The following GOLM1 variants were observed in gnomAD, a reference collection of about 807,000 sequenced individuals.
GOLM1 encodes the protein epididymis luminal protein 46.
GOLM1 carries 31 observed loss-of-function variants against 50.5 expected under a neutral mutation model. The ratio of observed to expected loss-of-function variants is 0.61; its 90% CI spans 0.46 to 0.83. GOLM1 has a LOEUF of 0.83. Among genes scored for constraint, GOLM1 ranks in the 40% least tolerant of loss-of-function variants. The pLI is 0.00. For synonymous variants in GOLM1, 178 were observed against 192.8 expected, an observed-to-expected ratio of 0.92 and a Z score of 0.64; for missense variants, 491 against 501.3, an observed-to-expected ratio of 0.98 and a Z score of 0.20.
chr9:86,026,396 G>A lies in GOLM1; in HGVS notation c.*1421C>T. ...CATATGAAGAATGTTTAAGTTGGAGGTGGCAACGTGAATTGCAAACAGGGC... is the reference window on the plus strand; with the variant it reads ...CATATGAAGAATGTTTAAGTTGGAGATGGCAACGTGAATTGCAAACAGGGC... On this transcript the variant is annotated 3_prime_UTR_variant, in exon 10 of 10. Coordinates refer to ENST00000388712, the MANE Select transcript of GOLM1 (RefSeq NM_016548.4). The A allele has an allele frequency of 1.0e-6, 1 of 985,294 alleles. No individual in the cohort carries two copies. Among genetic ancestry groups the A allele is most frequent in the Non-Finnish European group, 1.2e-6 (1 of 829,900 alleles). 61.0% of individuals were successfully genotyped at this position (985,294 alleles called of 1,614,324 possible).
chr9:86,063,508 A>G (rs998837569), intron 3 of GOLM1, among the ~76,000 whole-genome samples: 8 of 152,256 alleles, frequency 5.3e-5, no homozygotes, highest in Non-Finnish European at 1.0e-4. Flanking sequence ...TACAGGTTAC[A>G]GCGTCACAGT....
chr9:86,055,581 C>A (rs974565565), intron 3 of GOLM1, among the ~76,000 whole-genome samples: 1 of 152,172 alleles, frequency 6.6e-6, no homozygotes, highest in African/African-American at 2.4e-5. Context: ...ATGTGGCATA[C>A]ACATACAATG....
rs1833789513 is a variant in GOLM1, at chr9:86,052,537, C to T, written c.364G>A (p.Asp122Asn). 1 of 1,613,532 alleles carries T rather than the reference C, an allele frequency of 6.2e-7. No individual in the cohort carries two copies. Among genetic ancestry groups the T allele is most frequent in the Non-Finnish European group, 8.5e-7 (1 of 1,179,590 alleles). ...GTGTGGAGGAGCGAGCGGAACTTACCTTGCAGCACTCGGATGAGCCTCTCA... is the reference window on the plus strand; with the variant it reads ...GTGTGGAGGAGCGAGCGGAACTTACTTTGCAGCACTCGGATGAGCCTCTCA... ...TGERLIRVLQ[D>N]QLKTLQRNYG... Residue 122 changes from aspartate (D) to asparagine (N), a missense_variant and splice_region_variant, in exon 4 of 10, where the codon GAC becomes AAC. By Grantham distance (23) the Asp-to-Asn change is conservative (BLOSUM62 1). Transcript: ENST00000388712.
At chr9:86,077,319 C>A in intron 3 of GOLM1, 93 bp downstream of exon 3, 2 of 1,014,542 alleles carry the variant, frequency 2.0e-6, no homozygotes, top group South Asian at 1.4e-5. Context: ...AAATCTAAAC[C>A]CAGCCGCTTG....
intron 4 of GOLM1, among the ~76,000 whole-genome samples, chr9:86,047,734 CG>C (rs1367017764): frequency 6.6e-6 from 1 of 152,146 alleles, no homozygotes; most frequent in African/African-American, 2.4e-5. Flanking sequence ...CAAGAGATAA[CG>C]GAATACAACT....
intron 7 of GOLM1, 24 bp from the exon 8 acceptor site, chr9:86,035,649 G>A: frequency 7.4e-7 from 1 of 1,347,576 alleles, no homozygotes; most frequent in Non-Finnish European, 1.0e-6. Context: ...ACAGTTAGCT[G>A]TGACCTTGCC....
At chr9:86,043,937 T>C (rs1284810363) in intron 5 of GOLM1, among the ~76,000 whole-genome samples, 2 of 152,252 alleles carry the variant, frequency 1.3e-5, no homozygotes, top group Admixed American at 1.3e-4. Context: ...GAGGGAAATA[T>C]TTGCATTAAG....
chr9:86,031,379 A>G (rs1832975382), intron 9 of GOLM1, among the ~76,000 whole-genome samples: 2 of 151,730 alleles, frequency 1.3e-5, no homozygotes, highest in South Asian at 4.1e-4. Context: ...ATTCATAGTC[A>G]TGAAAACTGT....
chr9:86,043,733 G>A (rs181863884), intron 5 of GOLM1, among the ~76,000 whole-genome samples: 1 of 152,272 alleles, frequency 6.6e-6, no homozygotes, highest in Non-Finnish European at 1.5e-5. Flanking sequence ...GGAGCAAAAG[G>A]AGTGCATCCT....
At chr9:86,082,719 C>T (rs892473146) in intron 1 of GOLM1, among the ~76,000 whole-genome samples, 3 of 152,218 alleles carry the variant, frequency 2.0e-5, no homozygotes, top group African/African-American at 7.2e-5. Context: ...GGAGTACAGG[C>T]GTGAGCCATC....
At chr9:86,053,905 C>T (rs1209929057) in intron 3 of GOLM1, among the ~76,000 whole-genome samples, 1 of 152,058 alleles carries the variant, frequency 6.6e-6, no homozygotes, top group Non-Finnish European at 1.5e-5. Context: ...CCACTCCACA[C>T]CAGCCCAGGT....
intron 1 of GOLM1, among the ~76,000 whole-genome samples, chr9:86,094,339 C>T (rs539848831): frequency 4.0e-4 from 61 of 152,282 alleles, no homozygotes; most frequent in African/African-American, 1.3e-3. Flanking sequence ...GACAGTTTGT[C>T]AACTCTGCCT....
chr9:86,032,069 T>C (rs900407468), intron 9 of GOLM1, among the ~76,000 whole-genome samples: 2 of 151,552 alleles, frequency 1.3e-5, no homozygotes, highest in East Asian at 3.9e-4. Flanking sequence ...GCTGCCACTC[T>C]ACAGAAAACA....
intron 9 of GOLM1, among the ~76,000 whole-genome samples, chr9:86,029,010 G>C (rs144078130): frequency 6.6e-6 from 1 of 151,884 alleles, no homozygotes; most frequent in Non-Finnish European, 1.5e-5. Flanking sequence ...CACCACGCCC[G>C]GCTGATTTCT....
At chr9:86,093,422 T>C (rs1299207632) in intron 1 of GOLM1, among the ~76,000 whole-genome samples, 2 of 150,670 alleles carry the variant, frequency 1.3e-5, no homozygotes, top group African/African-American at 4.9e-5. Context: ...ACCCCAAAAT[T>C]ATCTGGGTGT....
At chr9:86,099,356 G>A (rs1835458596) in intron 1 of GOLM1, 55 bp downstream of exon 1, 2 of 151,836 alleles carry the variant, frequency 1.3e-5, no homozygotes, top group South Asian at 4.1e-4. Context: ...GCAAAGGAGG[G>A]AGGAAGCGAT....
chr9:86,099,194 G>A (rs1363098827), intron 1 of GOLM1, among the ~76,000 whole-genome samples: 4 of 151,478 alleles, frequency 2.6e-5, no homozygotes, highest in Non-Finnish European at 2.9e-5. Flanking sequence ...TGGGGAGCGA[G>A]CCGAGGGGCC....
At position 86,082,835 on chromosome 9, in the gene GOLM1, T is replaced by C. The variant is rs554277238; in HGVS notation, c.-21-3494A>G. Among the ~76,000 whole-genome samples, 11 of 152,374 alleles carry C rather than the reference T, an allele frequency of 7.2e-5. No individual in the cohort carries two copies. The South Asian group carries it at 2.3e-3, about 32-fold the overall frequency. On this transcript the variant is annotated intron_variant, in intron 1 of 9. Transcript: ENST00000388712. The stretch of plus-strand genomic sequence containing the variant: ...AGGTGATTCATATGTATAGCCGCTA[T>C]TCTAGATGTTTCTAGATGCATATAT...
rs1224210673 is a variant in GOLM1, at chr9:86,027,624, A to G, written c.*193T>C. 7.3e-7 allele frequency: 1 copy of G among 1,362,950 alleles called. No individual in the cohort carries two copies. The allele number at this position is 1,362,950 out of a possible 1,614,324, so 84.4% of individuals were successfully genotyped here. Reference sequence around the variant, plus strand: ...GTGACACCTTATTAGACACTTCCAAAGTACCCCCCAAAAGCTGTTTAAAAG... The same window carrying G: ...GTGACACCTTATTAGACACTTCCAAGGTACCCCCCAAAAGCTGTTTAAAAG... On this transcript the variant is annotated 3_prime_UTR_variant, in exon 10 of 10. Coordinates refer to ENST00000388712, the MANE Select transcript of GOLM1 (RefSeq NM_016548.4).
Sources: allele counts gnomAD v4.1 joint callset (sites outside exome capture counted in the v4.1 genomes callset), GRCh38; gene constraint gnomAD v4.1.1; transcripts MANE v1.5; gene names NCBI Gene and HGNC (gene_info 2026-07-23, HGNC 2026-07-21).